Variants in MACROD2 observed in about 807,000 individuals in gnomAD.
MACROD2 encodes the protein ADP-ribose glycohydrolase MACROD2.
A neutral mutation model predicts 70.4 loss-of-function variants in MACROD2; 36 were observed. The observed-to-expected ratio is 0.51, with a 90% confidence interval of 0.39 to 0.68. The LOEUF is 0.68. Ranked by LOEUF, MACROD2 falls within the 30% of genes least tolerant of loss-of-function variation. The pLI is 0.00. For missense variants in MACROD2, 496 were observed against 538.4 expected (o/e 0.92, Z 0.78); for synonymous variants, 172 against 178.8 (o/e 0.96, Z 0.30).
chr20:14,121,805 T>G (rs1168746711), intron 3 of MACROD2, among the ~76,000 whole-genome samples: 3 of 152,196 alleles, frequency 2.0e-5, no homozygotes, highest in Admixed American at 2.0e-4. Context: ...TAAAAGAAGC[T>G]TTGTTATGTC....
chr20:15,046,153 G>A lies in MACROD2; in HGVS notation c.419-183787G>A, dbSNP rs193131657. Among the ~76,000 whole-genome samples, 622 of 151,614 alleles carry A rather than the reference G, an allele frequency of 4.1e-3. 5 individuals carry two copies. The highest frequency in any genetic ancestry group is 0.015 in the African/African-American group (603 of 41,268). On this transcript the variant is annotated intron_variant, in intron 5 of 17. Coordinates refer to ENST00000684519, the MANE Select transcript of MACROD2 (RefSeq NM_001351661.2). ...CTCAGACTCCTCCTAGAACAATATA[G>A]AATAAATGCCACATAAGGTAAAAAT...
intron 4 of MACROD2, among the ~76,000 whole-genome samples, chr20:14,643,056 G>T (rs916932519): frequency 1.3e-5 from 2 of 151,952 alleles, no homozygotes; most frequent in Admixed American, 1.3e-4. Flanking sequence ...ATAATGTTTA[G>T]AAAACATTAG....
At chr20:14,465,692 T>C (rs2084436803) in intron 3 of MACROD2, among the ~76,000 whole-genome samples, 1 of 152,144 alleles carries the variant, frequency 6.6e-6, no homozygotes, top group African/African-American at 2.4e-5. Context: ...TTTCCATGTT[T>C]AGTGCTTCCT....
chr20:15,474,306 G>A lies in MACROD2; in HGVS notation c.572-25468G>A, dbSNP rs570369507. ...TACGTTTGTGGATGTTTATTTTTTT[G>A]TTGGTTTGTTTTTATTATCCCTTAG... On this transcript the variant is annotated intron_variant, in intron 7 of 17. Coordinates refer to ENST00000684519, the MANE Select transcript of MACROD2 (RefSeq NM_001351661.2). Among the ~76,000 whole-genome samples the A allele has an allele frequency of 5.9e-5, 9 of 152,016 alleles. No homozygotes were observed. The East Asian group carries it at 1.7e-3, about 29-fold the overall frequency.
intron 10 of MACROD2, chr20:15,893,839 A>G (rs1220098346): frequency 4.4e-6 from 2 of 456,832 alleles, no homozygotes; most frequent in Non-Finnish European, 4.4e-6. Flanking sequence ...AGATGGAAGC[A>G]GAAGTGCAGG....
intron 5 of MACROD2, among the ~76,000 whole-genome samples, chr20:14,995,312 C>T (rs1166606883): frequency 2.6e-5 from 4 of 151,778 alleles, no homozygotes; most frequent in African/African-American, 9.7e-5. Flanking sequence ...AATACAGTTT[C>T]CTCAAATAAT....
intron 5 of MACROD2, among the ~76,000 whole-genome samples, chr20:14,825,651 C>G (rs1168697108): frequency 2.0e-5 from 3 of 152,112 alleles, no homozygotes; most frequent in African/African-American, 7.2e-5. Context: ...AGTTACTTAT[C>G]AAACCATTTG....
At chr20:14,971,271 C>A (rs996263547) in intron 5 of MACROD2, among the ~76,000 whole-genome samples, 3 of 151,562 alleles carry the variant, frequency 2.0e-5, no homozygotes, top group Admixed American at 6.6e-5. Context: ...TGATGGGTAA[C>A]CGTCACCTTA....
intron 4 of MACROD2, among the ~76,000 whole-genome samples, chr20:14,649,921 AG>A (rs1985593898): frequency 6.6e-6 from 1 of 152,170 alleles, no homozygotes; most frequent in African/African-American, 2.4e-5. Context: ...CTCTGGATCC[AG>A]GTGGAGTATG....
intron 3 of MACROD2, among the ~76,000 whole-genome samples, chr20:14,371,787 C>T (rs1459460066): frequency 6.6e-6 from 1 of 151,906 alleles, no homozygotes; most frequent in East Asian, 1.9e-4. Context: ...CCATTTGTGC[C>T]TAGGTTCTCT....
chr20:14,968,986 A>G (rs1377132756), intron 5 of MACROD2, among the ~76,000 whole-genome samples: 1 of 152,168 alleles, frequency 6.6e-6, no homozygotes, highest in African/African-American at 2.4e-5. Context: ...AGAACTAAGT[A>G]TCTCCAATAT....
chr20:15,147,734 G>C (rs558256601), intron 5 of MACROD2, among the ~76,000 whole-genome samples: 1 of 152,138 alleles, frequency 6.6e-6, no homozygotes, highest in African/African-American at 2.4e-5. Flanking sequence ...AACAGGCTTT[G>C]TGTGAGCAAC....
chr20:15,670,805 TAAAG>T (rs1013860363), intron 8 of MACROD2, among the ~76,000 whole-genome samples: 3 of 152,162 alleles, frequency 2.0e-5, no homozygotes, highest in African/African-American at 7.2e-5. Flanking sequence ...GCTGCAAGTC[TAAAG>T]AAAGAGAGAC....
chr20:14,087,964 T>C (rs956131089), intron 3 of MACROD2, among the ~76,000 whole-genome samples: 1 of 152,052 alleles, frequency 6.6e-6, no homozygotes, highest in Non-Finnish European at 1.5e-5. Context: ...ATAAAAGATA[T>C]ATATACACAC....
chr20:14,201,504 C>T (rs1166533946), intron 3 of MACROD2, among the ~76,000 whole-genome samples: 1 of 152,116 alleles, frequency 6.6e-6, no homozygotes, highest in Non-Finnish European at 1.5e-5. Context: ...CTATGTGCCT[C>T]ACTGATGATA....
intron 5 of MACROD2, among the ~76,000 whole-genome samples, chr20:14,874,460 T>C (rs909275683): frequency 9.3e-5 from 14 of 150,784 alleles, no homozygotes; most frequent in African/African-American, 2.9e-4. Context: ...GTGAATTTCA[T>C]TGGATTACTA....
At chr20:14,368,327 C>T (rs536099283) in intron 3 of MACROD2, among the ~76,000 whole-genome samples, 71 of 152,146 alleles carry the variant, frequency 4.7e-4, no homozygotes, top group African/African-American at 1.5e-3. Context: ...CCGAGGTGGG[C>T]GGATCATGAG....
At chr20:15,727,759 A>T (rs1568996007) in intron 8 of MACROD2, among the ~76,000 whole-genome samples, 1 of 151,978 alleles carries the variant, frequency 6.6e-6, no homozygotes, top group East Asian at 1.9e-4. Context: ...TGGTATATAG[A>T]AATGCTACTG....
At chr20:14,258,666 G>C (rs1218452911) in intron 3 of MACROD2, among the ~76,000 whole-genome samples, 2 of 152,016 alleles carry the variant, frequency 1.3e-5, no homozygotes, top group Non-Finnish European at 2.9e-5. Context: ...TGGGTTGTCT[G>C]TTTACTCTGC....
Sources: allele counts gnomAD v4.1 joint callset (sites outside exome capture counted in the v4.1 genomes callset), GRCh38; gene constraint gnomAD v4.1.1; transcripts MANE v1.5; gene names NCBI Gene and HGNC (gene_info 2026-07-23, HGNC 2026-07-21).